Variants in RBFOX1 observed in about 807,000 individuals in gnomAD.
The protein encoded by RBFOX1 is RNA binding fox-1 homolog 1.
A neutral mutation model predicts 57.7 loss-of-function variants in RBFOX1; 8 were observed. The observed-to-expected ratio is 0.14, with a 90% CI of 0.08 to 0.25. The LOEUF (loss-of-function observed/expected upper bound fraction) is 0.25. Ranked by LOEUF, RBFOX1 falls within the 10% of genes least tolerant of loss-of-function variation. The pLI is 1.00. For missense variants in RBFOX1, 611 were observed against 548.5 expected, an observed-to-expected ratio of 1.11 and a Z score of -1.14; for synonymous variants, 326 against 222.4, an observed-to-expected ratio of 1.47 and a Z score of -4.15.
intron 4 of RBFOX1, among the ~76,000 whole-genome samples, chr16:7,240,229 A>G (rs527242573): frequency 6.6e-6 from 1 of 152,092 alleles, no homozygotes; most frequent in South Asian, 2.1e-4. Context: ...GGCCTCCCAA[A>G]CTGCTGGGAT....
At chr16:6,353,042 C>G (rs1307945003) in intron 2 of RBFOX1, among the ~76,000 whole-genome samples, 1 of 152,048 alleles carries the variant, frequency 6.6e-6, no homozygotes, top group Non-Finnish European at 1.5e-5. Context: ...GCTGCTTTCT[C>G]GGAGAAACTG....
At chr16:7,415,697 C>G (rs76525921) in intron 4 of RBFOX1, among the ~76,000 whole-genome samples, 1 of 152,116 alleles carries the variant, frequency 6.6e-6, no homozygotes, top group Non-Finnish European at 1.5e-5. Context: ...AGTTGAATTC[C>G]AAGAAGGCAA....
intron 2 of RBFOX1, among the ~76,000 whole-genome samples, chr16:6,433,993 A>G (rs2153011188): frequency 6.6e-6 from 1 of 152,046 alleles, no homozygotes; most frequent in African/African-American, 2.4e-5. Context: ...GATTACAGGC[A>G]TGCACCACCA....
intron 3 of RBFOX1, among the ~76,000 whole-genome samples, chr16:6,986,506 G>A (rs2090320425): frequency 6.6e-6 from 1 of 152,154 alleles, no homozygotes; most frequent in South Asian, 2.1e-4. Flanking sequence ...GCCCCAGGCT[G>A]GTTTTGAACT....
intron 11 of RBFOX1, among the ~76,000 whole-genome samples, chr16:7,640,329 T>C (rs1211726781): frequency 6.6e-6 from 1 of 152,232 alleles, no homozygotes; most frequent in East Asian, 1.9e-4. Flanking sequence ...GCAGCTGCCA[T>C]GCAGCTCTCT....
intron 3 of RBFOX1, among the ~76,000 whole-genome samples, chr16:5,842,888 G>A (rs1275198971): frequency 6.6e-6 from 1 of 152,076 alleles, no homozygotes; most frequent in Non-Finnish European, 1.5e-5. Flanking sequence ...GCATGATCCT[G>A]GCTCACTGCA....
In RBFOX1 at chr16:6,776,231, G is replaced by A. The variant is rs182964418; in HGVS notation, c.-16+121581G>A. 4.3e-3 allele frequency among the ~76,000 whole-genome samples: 654 copies of A among 152,124 alleles called. 4 individuals carry two copies. Among genetic ancestry groups the A allele is most frequent in the African/African-American group, 0.015 (636 of 41,498 alleles). ...TCGAGACCATCCTGGCTAACACGGTGAAACCCAGTCTCTACTAAAAATACA... is the reference window on the plus strand; with the variant it reads ...TCGAGACCATCCTGGCTAACACGGTAAAACCCAGTCTCTACTAAAAATACA... On this transcript the variant is annotated intron_variant, in intron 3 of 15. Transcript: ENST00000550418.
intron 2 of RBFOX1, among the ~76,000 whole-genome samples, chr16:6,511,137 C>G (rs999226804): frequency 6.6e-6 from 1 of 152,102 alleles, no homozygotes; most frequent in Non-Finnish European, 1.5e-5. Flanking sequence ...GCCCAGTGTG[C>G]CTCCTGGTGT....
intron 3 of RBFOX1, among the ~76,000 whole-genome samples, chr16:6,770,151 A>C (rs2078049535): frequency 6.6e-6 from 1 of 152,228 alleles, no homozygotes; most frequent in Non-Finnish European, 1.5e-5. Context: ...ATACCCTTTC[A>C]AGTGTCTGTT....
intron 3 of RBFOX1, among the ~76,000 whole-genome samples, chr16:7,001,620 C>T (rs146908471): frequency 7.9e-4 from 120 of 152,026 alleles, no homozygotes; most frequent in African/African-American, 2.8e-3. Context: ...TCACACCCTG[C>T]TAATTTTTGT....
intron 1 of RBFOX1, among the ~76,000 whole-genome samples, chr16:6,194,166 G>T (rs1567653334): frequency 6.6e-6 from 1 of 152,104 alleles, no homozygotes; most frequent in African/African-American, 2.4e-5. Flanking sequence ...CAGGTCCTCA[G>T]TTTAGAAACT....
intron 3 of RBFOX1, among the ~76,000 whole-genome samples, chr16:7,014,019 T>C (rs942650956): frequency 6.6e-6 from 1 of 152,186 alleles, no homozygotes; most frequent in East Asian, 1.9e-4. Context: ...AGAGTAGGTT[T>C]CAAGGAACTT....
At chr16:7,370,263 G>A (rs567400005) in intron 4 of RBFOX1, among the ~76,000 whole-genome samples, 2 of 152,256 alleles carry the variant, frequency 1.3e-5, no homozygotes, top group South Asian at 4.1e-4. Flanking sequence ...ACTGCTCTAA[G>A]TTATTTTCTT....
intron 3 of RBFOX1, among the ~76,000 whole-genome samples, chr16:6,881,603 T>A (rs2062947840): frequency 6.6e-6 from 1 of 152,178 alleles, no homozygotes; most frequent in African/African-American, 2.4e-5. Context: ...CAGCCCACTC[T>A]GAGGACCTGA....
chr16:7,479,885 T>C (rs530252544), intron 4 of RBFOX1, among the ~76,000 whole-genome samples: 29 of 152,322 alleles, frequency 1.9e-4, no homozygotes, highest in Admixed American at 1.0e-3. Flanking sequence ...AGCTTAAATG[T>C]GAGTTTTTAT....
At chr16:7,197,811 C>T (rs369529683) in intron 4 of RBFOX1, among the ~76,000 whole-genome samples, 1 of 152,150 alleles carries the variant, frequency 6.6e-6, no homozygotes, top group African/African-American at 2.4e-5. Context: ...GGGAAGGAAC[C>T]AGACACAAAA....
chr16:5,460,047 C>T (rs1286492658), intron 1 of RBFOX1, among the ~76,000 whole-genome samples: 1 of 152,162 alleles, frequency 6.6e-6, no homozygotes, highest in African/African-American at 2.4e-5. Context: ...TCCTAAAAGT[C>T]AATGATGAGT....
At chr16:7,021,860 T>A (rs1165343181) in intron 3 of RBFOX1, among the ~76,000 whole-genome samples, 2 of 151,496 alleles carry the variant, frequency 1.3e-5, no homozygotes, top group Non-Finnish European at 3.0e-5. Flanking sequence ...TCATTCTAAA[T>A]TGCCAGAACC....
At chr16:5,334,896 T>A (rs2064856892) in intron 1 of RBFOX1, among the ~76,000 whole-genome samples, 1 of 152,010 alleles carries the variant, frequency 6.6e-6, no homozygotes, top group African/African-American at 2.4e-5. Context: ...GTTTTGCTGT[T>A]ATCAGTGAGG....
Sources: gnomAD v4.1 joint callset for allele counts (sites outside exome capture counted in the v4.1 genomes callset) on GRCh38, gnomAD v4.1.1 for gene constraint, MANE v1.5 for transcripts, NCBI Gene and HGNC (gene_info 2026-07-23, HGNC 2026-07-21) for gene names.